LLGL1: variants seen among roughly 807,000 people sequenced by gnomAD.
LLGL1 encodes lethal(2) giant larvae protein homolog 1.
A neutral mutation model predicts 110.6 loss-of-function variants in LLGL1; 58 were observed. That is an observed-to-expected ratio of 0.52 (90% CI 0.42 to 0.65). The LOEUF is 0.65. Among genes scored for constraint, LLGL1 ranks in the 30% least tolerant of loss-of-function variants. The pLI is 0.00. For missense variants in LLGL1, 1,229 were observed against 1,462.1 expected, an observed-to-expected ratio of 0.84 and a Z score of 2.60; for synonymous variants, 674 against 607.2, an observed-to-expected ratio of 1.11 and a Z score of -1.62.
At chr17:18,232,915 G>A in intron 4 of LLGL1, 113 bp downstream of exon 4, 2 of 1,383,272 alleles carry the variant, frequency 1.4e-6, no homozygotes, top group Non-Finnish European at 2.0e-6. Context: ...AGGGCGGGAT[G>A]CCTTGAGCTG....
rs1039050815 is a variant in LLGL1 at position 18,244,854 on chromosome 17, A to AAAG, written c.*949_*951dup. The AAAG allele has an allele frequency of 2.5e-6, 1 of 400,522 alleles. No homozygotes were observed. Among genetic ancestry groups the AAAG allele is most frequent in the African/African-American group, 2.1e-5 (1 of 48,620 alleles). The allele number at this position is 400,522 out of a possible 1,614,324, so 24.8% of individuals were successfully genotyped here. ...ATACTGATTTTTAATATTGAAAATA[A>AAAG]AAGCATTTAATATCTCTTAAAGGGC... On this transcript the variant is annotated 3_prime_UTR_variant, in exon 23 of 23. Coordinates refer to ENST00000316843, the MANE Select transcript of LLGL1 (RefSeq NM_004140.4).
In LLGL1 at chr17:18,242,597, G is replaced by C. The variant is rs374758088; in HGVS notation, c.3085G>C (p.Val1029Leu). The C allele has an allele frequency of 1.9e-6, 3 of 1,613,746 alleles. No individual in the cohort carries two copies. Among genetic ancestry groups the C allele is most frequent in the Admixed American group, 1.7e-5 (1 of 59,972 alleles). ...CACCACGCTGGACACGACAGGGGAC[G>C]TCACAGTGGAAGATGTGAAGGATTT... ...ADTTLDTTGD[V>L]TVEDVKDFLG... is the part of the protein sequence containing the mutation. Residue 1029 changes from valine (V) to leucine (L), a missense_variant, in exon 21 of 23, where the codon GTC becomes CTC. Transcript: ENST00000316843.
rs1479716864 is a variant in LLGL1, at chr17:18,238,167, A to G, written c.2005A>G (p.Lys669Glu). Residue 669 changes from lysine (K) to glutamate (E), a missense_variant, in exon 15 of 23, where the codon AAG (lysine) becomes GAG (glutamate). Transcript: ENST00000316843. ...GCGCCAGTCTTTCCGGCGCATTCGC[A>G]AGAGTCGTGTCTCTGGCAAGAAGCG... is the stretch of plus-strand genomic sequence containing the variant. ...SLRQSFRRIRKSRVSGKKRAA... is the reference protein window; with the variant it reads ...SLRQSFRRIRESRVSGKKRAA... 6.2e-7 allele frequency: 1 copy of G among 1,613,242 alleles called. No individual in the cohort carries two copies.
At chr17:18,243,442 A>G (rs892130798) in intron 22 of LLGL1, among the ~76,000 whole-genome samples, 9 of 152,188 alleles carry the variant, frequency 5.9e-5, no homozygotes, top group Non-Finnish European at 7.3e-5. Context: ...AGGTGGCAGT[A>G]GTTTGGGGCT....
chr17:18,241,176 A>G, intron 17 of LLGL1: 1 of 592,242 alleles, frequency 1.7e-6, no homozygotes, highest in South Asian at 2.2e-5. Context: ...CTCTGCCTCG[A>G]AAGAACTCGA....
rs2047836383 is a variant in LLGL1, at chr17:18,241,712, C to G, written c.2764C>G (p.Gln922Glu). 2 of 1,612,200 alleles carry G rather than the reference C, an allele frequency of 1.2e-6. No homozygotes were observed. The highest frequency in any genetic ancestry group is 1.7e-6 in the Non-Finnish European group (2 of 1,179,136). The change falls in exon 18 of 23, where the codon CAG (glutamine) becomes GAG (glutamate). Residue 922 changes from glutamine to glutamate, a missense_variant. Physicochemically the swap from Gln to Glu is conservative, Grantham distance 29. Coordinates refer to ENST00000316843, the MANE Select transcript of LLGL1 (RefSeq NM_004140.4). ...IASCVFTRHG[Q>E]GFYLISPSEF... ...TTCGTGCGTCTTTACGCGCCATGGC[C>G]AGGGTGAGGCGGGGCAGAGGCCGAG...
Position 18,241,985 on chromosome 17 carries a change from T to TG in LLGL1, c.2869dup (p.Ala957GlyfsTer18), listed in dbSNP as rs1254199535. 3 of 1,613,612 alleles carry TG rather than the reference T, an allele frequency of 1.9e-6. No homozygotes were observed. The highest frequency in any genetic ancestry group is 1.7e-5 in the Admixed American group (1 of 59,998). On this transcript the variant is annotated frameshift_variant, in exon 19 of 23. Transcript: ENST00000316843. LOFTEE classifies it high-confidence loss of function. ...CTCTGGACATTAACTGGCCCCGCGATGCCACCCAGGCCAGGTGTGTGGAGG... is the reference window on the plus strand; with the variant it reads ...CTCTGGACATTAACTGGCCCCGCGATGGCCACCCAGGCCAGGTGTGTGGAGG...
At chr17:18,235,378 A>G in intron 10 of LLGL1, 66 bp downstream of exon 10, 1 of 1,605,168 alleles carries the variant, frequency 6.2e-7, no homozygotes, top group South Asian at 1.1e-5. Flanking sequence ...TTTCAGTTCT[A>G]AGCCCGGAGG....
At chr17:18,239,020 T>C (rs1179539066) in intron 16 of LLGL1, among the ~76,000 whole-genome samples, 1 of 152,074 alleles carries the variant, frequency 6.6e-6, no homozygotes, top group Non-Finnish European at 1.5e-5. Context: ...GAAAAAAAGC[T>C]TACCATCCAG....
chr17:18,242,879 C>A lies in LLGL1; in HGVS notation c.*1+57C>A, dbSNP rs894924600. 3 of 1,459,384 alleles carry A rather than the reference C, an allele frequency of 2.1e-6. No homozygotes were observed. In the African/African-American group the frequency reaches 4.3e-5, roughly 21 times the overall value. The allele number at this position is 1,459,384 out of a possible 1,614,324, so 90.4% of individuals were successfully genotyped here. On this transcript the variant is annotated intron_variant, in intron 22 of 22. Transcript: ENST00000316843. ...ACTGGTGACGTCCACCCCCTTCAGCCCGTCTGGGTACCATTTGGCCCTGGT... is the reference window on the plus strand; with the variant it reads ...ACTGGTGACGTCCACCCCCTTCAGCACGTCTGGGTACCATTTGGCCCTGGT...
chr17:18,228,456 C>T (rs2047499077), intron 1 of LLGL1, among the ~76,000 whole-genome samples: 1 of 152,162 alleles, frequency 6.6e-6, no homozygotes, highest in South Asian at 2.1e-4. Context: ...ATCCCTCTGG[C>T]CTCTGTGGGA....
At chr17:18,241,135 G>T (rs1028154169) in intron 17 of LLGL1, 2 of 586,966 alleles carry the variant, frequency 3.4e-6, no homozygotes, top group African/African-American at 3.7e-5. Flanking sequence ...TCCTGTACTG[G>T]GCCCAGACCC....
At chr17:18,236,329 C>T in intron 11 of LLGL1, 1 of 453,224 alleles carries the variant, frequency 2.2e-6, no homozygotes, top group South Asian at 2.8e-5. Context: ...CTCTACATGT[C>T]CCCCTTTGCC....
rs775309457 is a variant in LLGL1 at position 18,234,644 on chromosome 17, C to G, written c.851-5C>G. On this transcript the variant is annotated splice_region_variant and splice_polypyrimidine_tract_variant and intron_variant, in intron 7 of 22. Coordinates refer to ENST00000316843, the MANE Select transcript of LLGL1 (RefSeq NM_004140.4). ...AGTCTGGTCTGACGCTGTCCCACCC[C>G]TCAGGCCCCTTTCCCTGCAAGGCCA... 1 of 1,614,180 alleles carries G rather than the reference C, an allele frequency of 6.2e-7. No individual in the cohort carries two copies. Among genetic ancestry groups the G allele is most frequent in the South Asian group, 1.1e-5 (1 of 91,080 alleles).
Position 18,244,832 on chromosome 17 carries a change from C to T in LLGL1, c.*926C>T, listed in dbSNP as rs1177389739. The T allele has an allele frequency of 2.7e-6, 1 of 363,706 alleles. No individual in the cohort carries two copies. Among genetic ancestry groups the T allele is most frequent in the Non-Finnish European group, 4.9e-6 (1 of 204,768 alleles). 22.5% of individuals were successfully genotyped at this position (363,706 alleles called of 1,614,324 possible). ...TAGCGCCATTTTAATATTAAAAATACTGATTTTTAATATTGAAAATAAAAG... is the reference window on the plus strand; with the variant it reads ...TAGCGCCATTTTAATATTAAAAATATTGATTTTTAATATTGAAAATAAAAG... On this transcript the variant is annotated 3_prime_UTR_variant, in exon 23 of 23. Coordinates refer to ENST00000316843, the MANE Select transcript of LLGL1 (RefSeq NM_004140.4).
intron 19 of LLGL1, 32 bp downstream of exon 19, chr17:18,242,031 A>T: frequency 6.3e-7 from 1 of 1,576,544 alleles, no homozygotes; most frequent in Non-Finnish European, 8.7e-7. Flanking sequence ...AGCCTGGGGG[A>T]CCTGTGCCCA....
intron 15 of LLGL1, 93 bp downstream of exon 15, chr17:18,238,307 G>C (rs2047742423): frequency 3.8e-6 from 6 of 1,585,590 alleles, no homozygotes; most frequent in Non-Finnish European, 5.1e-6. Flanking sequence ...TTAGCTCAGT[G>C]CTCCTCCCTC....
At chr17:18,237,903 C>A in intron 14 of LLGL1, 130 bp downstream of exon 14, 1 of 1,288,394 alleles carries the variant, frequency 7.8e-7, no homozygotes. Flanking sequence ...AATAACCTGG[C>A]AGCTCCAAGA....
intron 16 of LLGL1, among the ~76,000 whole-genome samples, chr17:18,239,184 C>G (rs941001059): frequency 6.6e-6 from 1 of 152,134 alleles, no homozygotes; most frequent in African/African-American, 2.4e-5. Flanking sequence ...CAGCCAGTGC[C>G]CAGGCCCCGA....
Sources: allele counts gnomAD v4.1 joint callset (sites outside exome capture counted in the v4.1 genomes callset), GRCh38; gene constraint gnomAD v4.1.1; transcripts MANE v1.5; gene names NCBI Gene and HGNC (gene_info 2026-07-23, HGNC 2026-07-21).